The following HPS5 variants were observed in gnomAD, a reference collection of about 807,000 sequenced individuals.
The protein encoded by HPS5 is HPS5 biogenesis of lysosomal organelles complex 2 subunit 2.
A neutral mutation model predicts 128.0 loss-of-function variants in HPS5; 83 were observed. That is an observed-to-expected ratio of 0.65 (90% CI 0.54 to 0.78). The LOEUF is 0.78. HPS5 is among the 30% of genes least tolerant of loss of function. HPS5 has a pLI of 0.00. For missense variants in HPS5, 1,281 were observed against 1,326.2 expected (o/e 0.97, Z 0.53); for synonymous variants, 475 against 470.2 (o/e 1.01, Z -0.13).
intron 5 of HPS5, among the ~76,000 whole-genome samples, chr11:18,309,837 C>G (rs1489432142): frequency 6.6e-6 from 1 of 152,026 alleles, no homozygotes; most frequent in Non-Finnish European, 1.5e-5. Flanking sequence ...CCTGTCTCTA[C>G]AAAAGTTTTT....
chr11:18,284,783 C>T (rs1401675959), intron 20 of HPS5, among the ~76,000 whole-genome samples: 2 of 152,132 alleles, frequency 1.3e-5, no homozygotes, highest in East Asian at 1.9e-4. Flanking sequence ...GAGCCATAAG[C>T]CAGTATCACC....
At chr11:18,293,647 A>G (rs1160241879) in intron 14 of HPS5, among the ~76,000 whole-genome samples, 1 of 152,226 alleles carries the variant, frequency 6.6e-6, no homozygotes, top group African/African-American at 2.4e-5. Context: ...ACCAAAGAGC[A>G]GCTCTTTAAA....
At chr11:18,296,186 T>C (rs1861049998) in intron 12 of HPS5, 64 bp from the exon 13 acceptor site, 6 of 1,549,216 alleles carry the variant, frequency 3.9e-6, no homozygotes, top group Admixed American at 3.4e-5. Context: ...TTTTAATCTT[T>C]AAAAAAATTC....
intron 3 of HPS5, 31 bp downstream of exon 3, chr11:18,311,883 T>C (rs374947987): frequency 3.0e-6 from 4 of 1,316,352 alleles, no homozygotes; most frequent in East Asian, 2.3e-5. Context: ...AGACTCCAAA[T>C]GGTGTATGAC....
chr11:18,279,125 C>G lies in HPS5; in HGVS notation c.*757G>C, dbSNP rs574882291. On this transcript the variant is annotated 3_prime_UTR_variant, in exon 23 of 23. Transcript: ENST00000349215. ...TGAGACAGGGTCTTTCTCTGTCACC[C>G]AGACTGGTGTGCAATGGCACAAACA... The G allele has an allele frequency of 6.6e-6, 1 of 152,340 alleles. No individual in the cohort carries two copies. Among genetic ancestry groups the G allele is most frequent in the East Asian group, 1.9e-4 (1 of 5,196 alleles). The allele number at this position is 152,340 out of a possible 1,614,324, so 9.4% of individuals were successfully genotyped here.
At chr11:18,309,363 A>C (rs1862713626) in intron 5 of HPS5, among the ~76,000 whole-genome samples, 1 of 152,274 alleles carries the variant, frequency 6.6e-6, no homozygotes, top group African/African-American at 2.4e-5. Context: ...AGAACATGTT[A>C]GTCAGGCATG....
At chr11:18,315,493 A>C (rs1863514148) in intron 2 of HPS5, among the ~76,000 whole-genome samples, 1 of 152,068 alleles carries the variant, frequency 6.6e-6, no homozygotes. Context: ...GGTGCCTGTA[A>C]TCCCAGCTAC....
At chr11:18,287,467 T>C in intron 18 of HPS5, 68 bp downstream of exon 18, 1 of 1,542,572 alleles carries the variant, frequency 6.5e-7, no homozygotes, top group Non-Finnish European at 9.0e-7. Flanking sequence ...ATGTGACACC[T>C]GCTTATAAAA....
chr11:18,311,364 AT>A (rs1564976313), intron 4 of HPS5, 22 bp downstream of exon 4: 2 of 1,501,598 alleles, frequency 1.3e-6, no homozygotes. Flanking sequence ...AAAAGGACAG[AT>A]AGTTTTGGAA....
rs116280835 is a variant in HPS5 at position 18,317,246 on chromosome 11, G to A, written c.108+505C>T. Reference sequence around the variant, plus strand: ...TACTGTTTCATTCCAATGCTTCTCCGGGCCTGATAAATTTTTTTTTTTTTT... The same window carrying A: ...TACTGTTTCATTCCAATGCTTCTCCAGGCCTGATAAATTTTTTTTTTTTTT... On this transcript the variant is annotated intron_variant, in intron 2 of 22. Transcript: ENST00000349215. 8.9e-4 allele frequency among the ~76,000 whole-genome samples: 128 copies of A among 144,624 alleles called. 1 individual carries two copies. The highest frequency in any genetic ancestry group is 1.9e-3 in the African/African-American group (77 of 40,368). The allele number at this position is 144,624 out of a possible 152,430, so 94.9% of individuals were successfully genotyped here.
rs138423875 is a variant in HPS5 at position 18,311,431 on chromosome 11, G to A, written c.240C>T (p.Val80=). The stretch of plus-strand genomic sequence containing the variant: ...AATCATCATCATGTAAACAACAGGC[G>A]ACTTGAGAAATTGCACCTTCCTAGA... ...LSHREGAISQ[V]ACCLHDDDYV... is the part of the protein sequence containing the mutation. Residue 80 remains valine, a synonymous_variant, in exon 4 of 23, where the codon GTC becomes GTT. Coordinates refer to ENST00000349215, the MANE Select transcript of HPS5 (RefSeq NM_181507.2). The A allele has an allele frequency of 1.5e-5, 24 of 1,608,402 alleles. No homozygotes were observed. Among genetic ancestry groups the A allele is most frequent in the Middle Eastern group, 1.6e-4 (1 of 6,078 alleles).
Position 18,283,783 on chromosome 11 carries a change from G to C in HPS5, c.3058+12C>G. 6.4e-7 allele frequency: 1 copy of C among 1,574,774 alleles called. No individual in the cohort carries two copies. Among genetic ancestry groups the C allele is most frequent in the African/African-American group, 1.3e-5 (1 of 74,202 alleles). ...ATTGACAACCAAGAGTAACCAGTTA[G>C]GATTGACATACCATTGTCCCCTTCC... On this transcript the variant is annotated intron_variant, in intron 21 of 22. Transcript: ENST00000349215.
At chr11:18,301,365 A>G (rs1206231491) in intron 8 of HPS5, among the ~76,000 whole-genome samples, 3 of 148,550 alleles carry the variant, frequency 2.0e-5, no homozygotes, top group African/African-American at 7.5e-5. Flanking sequence ...CTGAGGCAGG[A>G]GAATCACTTA....
chr11:18,319,362 T>C (rs567835782), intron 1 of HPS5, among the ~76,000 whole-genome samples: 3 of 150,416 alleles, frequency 2.0e-5, no homozygotes, highest in African/African-American at 7.4e-5. Flanking sequence ...TCACATTGAA[T>C]TAAAGGGAAC....
chr11:18,316,079 T>C (rs1863587688), intron 2 of HPS5, among the ~76,000 whole-genome samples: 1 of 152,098 alleles, frequency 6.6e-6, no homozygotes, highest in African/African-American at 2.4e-5. Flanking sequence ...TCATGAGCTA[T>C]GGTCTCACCA....
At position 18,311,054 on chromosome 11, in the gene HPS5, T is replaced by A. The variant is rs1862927475; in HGVS notation, c.285-121A>T. On this transcript the variant is annotated intron_variant, in intron 4 of 22. Coordinates refer to ENST00000349215, the MANE Select transcript of HPS5 (RefSeq NM_181507.2). ...CTCTTGTTCTTCAGAAAAGAGGAAG[T>A]ATTATAAAAAGTCAAGGTATTAATT... 1.5e-5 allele frequency: 12 copies of A among 780,064 alleles called. No individual in the cohort carries two copies. In the East Asian group the frequency reaches 3.1e-4, roughly 20 times the overall value. The allele number at this position is 780,064 out of a possible 1,614,324, so 48.3% of individuals were successfully genotyped here. A position where few individuals can be genotyped will look rare whatever the true frequency, so the allele number is the denominator to read the frequency against.
At position 18,291,803 on chromosome 11, in the gene HPS5, C is replaced by T. The variant is rs949024780; in HGVS notation, c.2079G>A (p.Arg693=). The change falls in exon 16 of 23, where the codon AGG becomes AGA. Residue 693 remains arginine, a synonymous_variant. Transcript: ENST00000349215. Reference sequence around the variant, plus strand: ...CAGATTCTTCATTGCCTAAAGAGTCCCTTTTTTCTTTTTCATTATCTTCAT... The same window carrying T: ...CAGATTCTTCATTGCCTAAAGAGTCTCTTTTTTCTTTTTCATTATCTTCAT... ...ILDEDNEKEK[R]DSLGNEESVD... 1 of 1,613,382 alleles carries T rather than the reference C, an allele frequency of 6.2e-7. No individual in the cohort carries two copies.
intron 11 of HPS5, 100 bp downstream of exon 11, chr11:18,297,459 T>C: frequency 8.8e-7 from 1 of 1,136,034 alleles, no homozygotes; most frequent in South Asian, 1.3e-5. Context: ...AAAACATAAA[T>C]GGAAAGGACA....
intron 12 of HPS5, 190 bp from the exon 13 acceptor site, chr11:18,296,312 C>G (rs1045561525): frequency 4.9e-6 from 3 of 617,032 alleles, no homozygotes; most frequent in Non-Finnish European, 8.4e-6. Flanking sequence ...CATAAAACAC[C>G]GAGGCAGGTA....
Sources: allele counts gnomAD v4.1 joint callset (sites outside exome capture counted in the v4.1 genomes callset), GRCh38; gene constraint gnomAD v4.1.1; transcripts MANE v1.5; gene names NCBI Gene and HGNC (gene_info 2026-07-23, HGNC 2026-07-21).